Variants in PRELID1 observed in about 807,000 individuals in gnomAD.
PRELID1 encodes PRELI domain-containing protein 1, mitochondrial.
Under a neutral mutation model 29.0 loss-of-function variants are expected in PRELID1, and 15 were observed. The observed-to-expected ratio is 0.52, with a 90% CI of 0.35 to 0.80. The LOEUF is 0.80. Ranked by LOEUF, PRELID1 falls within the 30% of genes least tolerant of loss-of-function variation. The pLI, the probability that PRELID1 is intolerant of heterozygous loss-of-function variation, is 0.01. For synonymous variants in PRELID1, 79 were observed against 106.5 expected, an observed-to-expected ratio of 0.74 and a Z score of 1.59; for missense variants, 187 against 275.9, an observed-to-expected ratio of 0.68 and a Z score of 2.28.
chr5:177,306,841 G>GT lies in PRELID1; in HGVS notation c.*272dup. ...CAGGTAGCCTGCAGGTTAACTGGCG[G>GT]TAAGTGCTAGACTGTAAGCCCGACA... On this transcript the variant is annotated 3_prime_UTR_variant, in exon 5 of 5. Coordinates refer to ENST00000303204, the MANE Select transcript of PRELID1 (RefSeq NM_013237.4). 1 of 728,864 alleles carries GT rather than the reference G, an allele frequency of 1.4e-6. No homozygotes were observed. The highest frequency in any genetic ancestry group is 2.2e-6 in the Non-Finnish European group (1 of 455,652). 45.1% of individuals were successfully genotyped at this position (728,864 alleles called of 1,614,324 possible). A position where few individuals can be genotyped will look rare whatever the true frequency, so the allele number is the denominator to read the frequency against.
At position 177,306,567 on chromosome 5, in the gene PRELID1, G is replaced by A. The variant is rs776656166; in HGVS notation, c.657G>A (p.Val219=). The A allele has an allele frequency of 2.5e-6, 4 of 1,608,074 alleles. No homozygotes were observed. The highest frequency in any genetic ancestry group is 3.4e-6 in the Non-Finnish European group (4 of 1,177,818). The change falls in exon 5 of 5, where the codon GTG becomes GTA. Residue 219 remains valine, a synonymous_variant. Transcript: ENST00000303204. ...AGCAGCAGCAGCAGCAACAGTTTGT[G>A]TAGCCAGTCTACCACCACCACAGCA... The part of the protein sequence containing the change: ...TKKQQQQQQF[V]
At position 177,303,817 on chromosome 5, in the gene PRELID1, TGGCGGCGGC is replaced by T. The variant is rs577990702; in HGVS notation, c.-156_-148del. ...AAGTGGCGCGCGGCCGGACAACTCA[TGGCGGCGGC>T]GGCGGCGGCGGCAGCTGCTTGGGCG... On this transcript the variant is annotated 5_prime_UTR_variant, in exon 1 of 5. Transcript: ENST00000303204. The surrounding 1 kb of genome is among the most constrained non-coding windows in gnomAD (Gnocchi z 6.1). 6 of 463,536 alleles carry T rather than the reference TGGCGGCGGC, an allele frequency of 1.3e-5. 1 individual carries two copies. In the South Asian group the frequency reaches 1.4e-4, roughly 11 times the overall value. 28.7% of individuals were successfully genotyped at this position (463,536 alleles called of 1,614,324 possible).
In PRELID1 at chr5:177,304,692, C is replaced by A. The variant is rs1321583896; in HGVS notation, c.160C>A (p.Arg54=). Residue 54 remains arginine, a synonymous_variant, in exon 2 of 5, where the codon CGA becomes AGA. Transcript: ENST00000303204. ...CCCTGACCAGAAACTGCTGTCCCGG[C>A]GACTCCTGACCAAGACCAACAGGAT... The part of the protein sequence containing the change: ...VTPDQKLLSR[R]LLTKTNRMPR... 1 of 1,613,930 alleles carries A rather than the reference C, an allele frequency of 6.2e-7. No individual in the cohort carries two copies. The highest frequency in any genetic ancestry group is 1.3e-5 in the African/African-American group (1 of 74,906).
intron 2 of PRELID1, 67 bp downstream of exon 2, chr5:177,304,917 C>G: frequency 1.4e-6 from 2 of 1,421,810 alleles, no homozygotes; most frequent in Non-Finnish European, 1.9e-6. Flanking sequence ...GAGAGCTCCT[C>G]AGATACATGT....
chr5:177,303,850 C>T lies in PRELID1; in HGVS notation c.-136C>T. ...GCGGCGGCGGCGGCAGCTGCTTGGG[C>T]GCGGTGCGGTGGTGACTGAGCTACG... On this transcript the variant is annotated 5_prime_UTR_variant, in exon 1 of 5. Transcript: ENST00000303204. The surrounding 1 kb of genome is among the most constrained non-coding windows in gnomAD (Gnocchi z 6.1). 1.7e-6 allele frequency: 1 copy of T among 574,636 alleles called. No individual in the cohort carries two copies. The highest frequency in any genetic ancestry group is 2.7e-6 in the Non-Finnish European group (1 of 371,272). 35.6% of individuals were successfully genotyped at this position (574,636 alleles called of 1,614,324 possible).
intron 1 of PRELID1, 103 bp downstream of exon 1, chr5:177,304,180 T>G (rs1050639645): frequency 2.7e-6 from 3 of 1,128,516 alleles, no homozygotes; most frequent in Non-Finnish European, 3.9e-6. Flanking sequence ...CGATATCGAA[T>G]CCTAGGTAGA....
intron 2 of PRELID1, among the ~76,000 whole-genome samples, 173 bp downstream of exon 2, chr5:177,305,023 T>C (rs1211902864): frequency 6.6e-6 from 1 of 152,190 alleles, no homozygotes; most frequent in East Asian, 1.9e-4. Context: ...TTTCTTCTTT[T>C]CAGCTGGCCA....
chr5:177,304,926 G>A, intron 2 of PRELID1, 76 bp downstream of exon 2: 1 of 1,385,728 alleles, frequency 7.2e-7, no homozygotes, highest in Non-Finnish European at 9.9e-7. Flanking sequence ...TCAGATACAT[G>A]TGGCTAGAGA....
chr5:177,304,820 C>A lies in PRELID1; in HGVS notation c.288C>A (p.Phe96Leu). The change falls in exon 2 of 5, where the codon TTC becomes TTA. Residue 96 changes from phenylalanine to leucine, a missense_variant. Coordinates refer to ENST00000303204, the MANE Select transcript of PRELID1 (RefSeq NM_013237.4). ...VDPQNQTMTT[F>L]TWNINHARLM... ...CACAGAATCAGACCATGACTACCTT[C>A]ACCTGGAACATCAACCACGCCCGGC... 6.2e-7 allele frequency: 1 copy of A among 1,613,630 alleles called. No homozygotes were observed. Among genetic ancestry groups the A allele is most frequent in the Non-Finnish European group, 8.5e-7 (1 of 1,179,654 alleles).
intron 2 of PRELID1, 139 bp downstream of exon 2, chr5:177,304,989 C>G (rs776139290): frequency 3.1e-5 from 24 of 780,054 alleles, no homozygotes; most frequent in Non-Finnish European, 4.6e-5. Context: ...TGAGGGTTGA[C>G]AGCTGTAGAG....
In PRELID1 at chr5:177,304,618, C is replaced by T. The variant is rs568825778; in HGVS notation, c.93-7C>T. ...TCTGAGGGTCACCTTCACCCTGACACCTGCAGCAAACATGTCTTGACGGAA... is the reference window on the plus strand; with the variant it reads ...TCTGAGGGTCACCTTCACCCTGACATCTGCAGCAAACATGTCTTGACGGAA... On this transcript the variant is annotated splice_region_variant and splice_polypyrimidine_tract_variant and intron_variant, in intron 1 of 4. Transcript: ENST00000303204. 2 of 1,608,940 alleles carry T rather than the reference C, an allele frequency of 1.2e-6. No individual in the cohort carries two copies. The highest frequency in any genetic ancestry group is 2.2e-5 in the East Asian group (1 of 44,838).
At position 177,305,946 on chromosome 5, in the gene PRELID1, G is replaced by A; in HGVS notation, c.394G>A (p.Val132Ile). 6.2e-7 allele frequency: 1 copy of A among 1,614,170 alleles called. No individual in the cohort carries two copies. Among genetic ancestry groups the A allele is most frequent in the Non-Finnish European group, 8.5e-7 (1 of 1,180,028 alleles). The change falls in exon 3 of 5, where the codon GTC (valine) becomes ATC (isoleucine). Residue 132 changes from valine to isoleucine, a missense_variant. By Grantham distance (29) the Val-to-Ile change is conservative (BLOSUM62 3). Coordinates refer to ENST00000303204, the MANE Select transcript of PRELID1 (RefSeq NM_013237.4). ...GACTGAAATCCGCCGGGAAGCCTGG[G>A]TCTCCTCTAGCTTATTTGGTGTCTC... The part of the protein sequence containing the change: ...GWTEIRREAW[V>I]SSSLFGVSRA...
Position 177,306,866 on chromosome 5 carries a change from AAGGGCAGGGC to A in PRELID1, c.*297_*306del. 1 of 724,636 alleles carries A rather than the reference AAGGGCAGGGC, an allele frequency of 1.4e-6. No individual in the cohort carries two copies. Among genetic ancestry groups the A allele is most frequent in the East Asian group, 2.7e-5 (1 of 36,656 alleles). The allele number at this position is 724,636 out of a possible 1,614,324, so 44.9% of individuals were successfully genotyped here. ...GTAAGTGCTAGACTGTAAGCCCGAC[AAGGGCAGGGC>A]TTTTGGTTTTGTTCTCTGATGTGTC... On this transcript the variant is annotated 3_prime_UTR_variant, in exon 5 of 5. Coordinates refer to ENST00000303204, the MANE Select transcript of PRELID1 (RefSeq NM_013237.4).
At chr5:177,304,168 C>T in intron 1 of PRELID1, 91 bp downstream of exon 1, 5 of 1,217,728 alleles carry the variant, frequency 4.1e-6, no homozygotes, top group Non-Finnish European at 5.9e-6. Context: ...CCAGGAAGGA[C>T]TCGATATCGA....
At chr5:177,305,792 A>C (rs1182694691) in intron 2 of PRELID1, 79 bp from the exon 3 acceptor site, 1 of 1,221,060 alleles carries the variant, frequency 8.2e-7, no homozygotes, top group Non-Finnish European at 1.2e-6. Context: ...CGCCTCATGA[A>C]AAGTGACAGG....
Position 177,306,815 on chromosome 5 carries a change from C to T in PRELID1, c.*245C>T. 1 of 761,410 alleles carries T rather than the reference C, an allele frequency of 1.3e-6. No individual in the cohort carries two copies. Among genetic ancestry groups the T allele is most frequent in the South Asian group, 1.9e-5 (1 of 52,832 alleles). 47.2% of individuals were successfully genotyped at this position (761,410 alleles called of 1,614,324 possible). On this transcript the variant is annotated 3_prime_UTR_variant, in exon 5 of 5. Transcript: ENST00000303204. Reference sequence around the variant, plus strand: ...GAGGTGCGGTGACTTGCCCGGGGCTCCAGGTAGCCTGCAGGTTAACTGGCG... The same window carrying T: ...GAGGTGCGGTGACTTGCCCGGGGCTTCAGGTAGCCTGCAGGTTAACTGGCG...
intron 1 of PRELID1, 55 bp downstream of exon 1, chr5:177,304,132 T>TTATG: frequency 6.7e-7 from 1 of 1,500,582 alleles, no homozygotes; most frequent in Non-Finnish European, 9.2e-7. Flanking sequence ...GGAGATCGAA[T>TTATG]TATGGGTAAC....
Position 177,304,704 on chromosome 5 carries a change from A to G in PRELID1, c.172A>G (p.Lys58Glu), listed in dbSNP as rs780435672. 6.2e-7 allele frequency: 1 copy of G among 1,614,096 alleles called. No individual in the cohort carries two copies. Among genetic ancestry groups the G allele is most frequent in the Non-Finnish European group, 8.5e-7 (1 of 1,179,964 alleles). Reference protein sequence around the residue: ...QKLLSRRLLTKTNRMPRWAER... With the variant: ...QKLLSRRLLTETNRMPRWAER... ...ACTGCTGTCCCGGCGACTCCTGACC[A>G]AGACCAACAGGATGCCACGCTGGGC... The change falls in exon 2 of 5, where the codon AAG becomes GAG. Residue 58 changes from lysine to glutamate, a missense_variant. Coordinates refer to ENST00000303204, the MANE Select transcript of PRELID1 (RefSeq NM_013237.4).
rs769114770 is a variant in PRELID1, at chr5:177,306,122, A to G, written c.457A>G (p.Ser153Gly). ...VQEFGLARFK[S>G]NVTKTMKGFE... Reference sequence around the variant, plus strand: ...GGAATTTGGTCTTGCCCGATTCAAAAGCAACGTGACCAAGACTATGAAGGG... The same window carrying G: ...GGAATTTGGTCTTGCCCGATTCAAAGGCAACGTGACCAAGACTATGAAGGG... The change falls in exon 4 of 5, where the codon AGC becomes GGC. Residue 153 changes from serine (S) to glycine (G), a missense_variant. By Grantham distance (56) the Ser-to-Gly change is moderately conservative (BLOSUM62 0). Transcript: ENST00000303204. 14 of 1,613,832 alleles carry G rather than the reference A, an allele frequency of 8.7e-6. No individual in the cohort carries two copies. In the East Asian group the frequency reaches 2.2e-4, roughly 26 times the overall value.
Sources: gnomAD v4.1 joint callset for allele counts (sites outside exome capture counted in the v4.1 genomes callset) on GRCh38, gnomAD v4.1.1 for gene constraint, Gnocchi (gnomAD v3.1) non-coding constraint, MANE v1.5 for transcripts, NCBI Gene and HGNC (gene_info 2026-07-23, HGNC 2026-07-21) for gene names.